The following RNF212B variants were observed in gnomAD, a reference collection of about 807,000 sequenced individuals.
The protein encoded by RNF212B is ring finger protein 212B.
RNF212B carries 52 observed loss-of-function variants against 55.5 expected under a neutral mutation model. That is an observed-to-expected ratio of 0.94 (90% CI 0.75 to 1.18). The LOEUF is 1.18. RNF212B is among the 50% of genes most tolerant of loss of function. The pLI, the probability that RNF212B is intolerant of heterozygous loss-of-function variation, is 0.00. For missense variants in RNF212B, 289 were observed against 350.4 expected, an observed-to-expected ratio of 0.82 and a Z score of 1.40; for synonymous variants, 99 against 121.4, an observed-to-expected ratio of 0.82 and a Z score of 1.21.
At chr14:23,228,075 A>G (rs1882199412) in intron 2 of RNF212B, among the ~76,000 whole-genome samples, 3 of 151,810 alleles carry the variant, frequency 2.0e-5, no homozygotes, top group Non-Finnish European at 4.4e-5. Flanking sequence ...TACTAAAAAT[A>G]CAAAATTAGC....
intron 13 of RNF212B, among the ~76,000 whole-genome samples, chr14:23,270,338 A>G (rs1264445253): frequency 6.6e-6 from 1 of 152,204 alleles, no homozygotes; most frequent in Non-Finnish European, 1.5e-5. Flanking sequence ...TCCTCTTGCT[A>G]AGAGGCTGCC....
chr14:23,266,595 G>C (rs969592527), intron 11 of RNF212B, among the ~76,000 whole-genome samples: 3 of 150,860 alleles, frequency 2.0e-5, no homozygotes, highest in African/African-American at 7.3e-5. Context: ...TGTATTTTTA[G>C]TAGACACGGG....
At chr14:23,241,431 T>C (rs1315019067) in intron 2 of RNF212B, among the ~76,000 whole-genome samples, 1 of 152,024 alleles carries the variant, frequency 6.6e-6, no homozygotes. Flanking sequence ...AGTTTTTGTT[T>C]TGTTTTGTTT....
At chr14:23,221,087 T>G (rs1881529578) in intron 2 of RNF212B, among the ~76,000 whole-genome samples, 1 of 151,990 alleles carries the variant, frequency 6.6e-6, no homozygotes, top group Admixed American at 6.6e-5. Flanking sequence ...ATCTGTCACC[T>G]AGAAGAAATA....
chr14:23,218,431 A>G (rs1049367651), intron 2 of RNF212B, among the ~76,000 whole-genome samples: 4 of 151,620 alleles, frequency 2.6e-5, no homozygotes, highest in African/African-American at 9.7e-5. Flanking sequence ...CTTAAAAGTA[A>G]TCTCTTAAAA....
In RNF212B at chr14:23,203,923, C is replaced by T. The variant is rs1165756537; in HGVS notation, c.-2+10522C>T. On this transcript the variant is annotated intron_variant, in intron 2 of 15. Coordinates refer to the RNF212B transcript ENST00000399910. ...TTTTGATTTTTTGATTATAGCCATT[C>T]TTGCAGGAGTAAGGTGGTGTTGCAT... Among the ~76,000 whole-genome samples, 3 of 152,306 alleles carry T rather than the reference C, an allele frequency of 2.0e-5. No homozygotes were observed. In the East Asian group the frequency reaches 5.8e-4, roughly 29 times the overall value.
At chr14:23,238,762 A>ATCATC (rs1566420258) in intron 1 of RNF212B, among the ~76,000 whole-genome samples, 1 of 142,040 alleles carries the variant, frequency 7.0e-6, no homozygotes, top group South Asian at 2.4e-4. Flanking sequence ...TAATAATAAT[A>ATCATC]ATAATAATAA....
chr14:23,263,905 T>A (rs56902258), intron 9 of RNF212B, among the ~76,000 whole-genome samples: 24,055 of 152,036 alleles, frequency 0.16, 1,989 homozygotes, highest in Non-Finnish European at 0.19. Context: ...GTGGCCAACA[T>A]GGTGAAACCC....
intron 2 of RNF212B, among the ~76,000 whole-genome samples, chr14:23,214,286 G>T (rs1286907182): frequency 1.3e-5 from 2 of 152,210 alleles, no homozygotes; most frequent in Non-Finnish European, 2.9e-5. Context: ...TTGAGGTCAG[G>T]AGTCTGAGAC....
At chr14:23,201,003 G>A (rs1030928495) in intron 2 of RNF212B, among the ~76,000 whole-genome samples, 2 of 152,168 alleles carry the variant, frequency 1.3e-5, no homozygotes, top group African/African-American at 2.4e-5. Flanking sequence ...TTGTTCATGG[G>A]AGTATACTAA....
At chr14:23,240,578 A>G in intron 2 of RNF212B, 133 bp downstream of exon 2, 1 of 546,738 alleles carries the variant, frequency 1.8e-6, no homozygotes, top group Non-Finnish European at 3.2e-6. Context: ...ACTGTAGGAA[A>G]CTGTCAATTT....
intron 12 of RNF212B, 125 bp from the exon 13 acceptor site, chr14:23,269,738 T>C: frequency 1.7e-6 from 1 of 600,240 alleles, no homozygotes; most frequent in South Asian, 2.1e-5. Context: ...AAAATTATCA[T>C]CAGTTGCAAG....
intron 4 of RNF212B, among the ~76,000 whole-genome samples, chr14:23,251,255 A>C: frequency 6.6e-6 from 1 of 152,244 alleles, no homozygotes; most frequent in Admixed American, 6.5e-5. Flanking sequence ...GCAACAATTC[A>C]ATTCAATTCA....
intron 1 of RNF212B, among the ~76,000 whole-genome samples, chr14:23,189,970 A>G (rs1566383376): frequency 6.6e-6 from 1 of 152,120 alleles, no homozygotes; most frequent in East Asian, 1.9e-4. Context: ...ATTGTTGTCA[A>G]GGTCACCAAC....
At chr14:23,255,853 T>A (rs1249364968) in intron 4 of RNF212B, among the ~76,000 whole-genome samples, 1 of 152,252 alleles carries the variant, frequency 6.6e-6, no homozygotes, top group African/African-American at 2.4e-5. Context: ...TGAGGTACAT[T>A]ACTGAGTTAG....
chr14:23,204,343 G>A (rs1255161210), intron 2 of RNF212B, among the ~76,000 whole-genome samples: 1 of 152,174 alleles, frequency 6.6e-6, no homozygotes, highest in Non-Finnish European at 1.5e-5. Flanking sequence ...ATCTTCTAGA[G>A]TTTTTATAGT....
upstream of RNF212B, among the ~76,000 whole-genome samples, chr14:23,233,736 T>G (rs1882898183): frequency 8.2e-6 from 1 of 121,236 alleles, no homozygotes; most frequent in Non-Finnish European, 1.7e-5. Flanking sequence ...AGTGAGACCC[T>G]GTCTCAAAAA....
intron 1 of RNF212B, among the ~76,000 whole-genome samples, chr14:23,187,118 AG>A (rs757045926): frequency 6.6e-6 from 1 of 152,120 alleles, no homozygotes; most frequent in Non-Finnish European, 1.5e-5. Flanking sequence ...CCAATATCGG[AG>A]CCACTGTTTC....
At chr14:23,244,221 C>A in intron 3 of RNF212B, 101 bp from the exon 4 acceptor site, 2 of 632,016 alleles carry the variant, frequency 3.2e-6, no homozygotes, top group South Asian at 2.1e-5. Context: ...GAGATAATGT[C>A]AGGTACATTA....
Sources: allele counts gnomAD v4.1 joint callset (sites outside exome capture counted in the v4.1 genomes callset), GRCh38; gene constraint gnomAD v4.1.1; transcripts MANE v1.5; gene names NCBI Gene and HGNC (gene_info 2026-07-23, HGNC 2026-07-21).